Variants in PGBD5 observed in about 807,000 individuals in gnomAD.
The protein encoded by PGBD5 is piggyBac transposable element derived 5.
PGBD5 carries 14 observed loss-of-function variants against 47.9 expected under a neutral mutation model. The ratio of observed to expected loss-of-function variants is 0.29; its 90% CI spans 0.19 to 0.46. PGBD5 has a LOEUF of 0.46. Among genes scored for constraint, PGBD5 ranks in the 20% least tolerant of loss-of-function variants. The probability of loss-of-function intolerance (pLI) is 1.00; values close to 1 mark genes in which losing one functional copy is unlikely to be tolerated. For missense variants in PGBD5, 635 were observed against 716.0 expected (o/e 0.89, Z 1.29); for synonymous variants, 316 against 306.3 (o/e 1.03, Z -0.33).
intron 3 of PGBD5, among the ~76,000 whole-genome samples, chr1:230,340,546 G>A (rs1237371662): frequency 6.6e-6 from 1 of 151,996 alleles, no homozygotes; most frequent in Non-Finnish European, 1.5e-5. Flanking sequence ...CAGATATGCT[G>A]GGCTTTTAAT....
In PGBD5 at chr1:230,376,806, A is replaced by G. The variant is rs562934359; in HGVS notation, c.332-19485T>C. On this transcript the variant is annotated intron_variant, in intron 1 of 6. Transcript: ENST00000391860. ...TAAGGTTCTTTCTGGCTCTTTAAAAAAAACTAATTGCTTTCTCCAGGCAAT... is the reference window on the plus strand; with the variant it reads ...TAAGGTTCTTTCTGGCTCTTTAAAAGAAACTAATTGCTTTCTCCAGGCAAT... 5.3e-5 allele frequency among the ~76,000 whole-genome samples: 8 copies of G among 152,330 alleles called. No homozygotes were observed. In the South Asian group the frequency reaches 1.7e-3, roughly 32 times the overall value.
At chr1:230,338,295 C>T (rs767815178) in intron 3 of PGBD5, among the ~76,000 whole-genome samples, 1 of 152,218 alleles carries the variant, frequency 6.6e-6, no homozygotes, top group African/African-American at 2.4e-5. Context: ...GAGCAGGGCA[C>T]GGCTGGCTTT....
chr1:230,393,512 C>G (rs1167319730), intron 1 of PGBD5, among the ~76,000 whole-genome samples: 1 of 152,102 alleles, frequency 6.6e-6, no homozygotes, highest in Non-Finnish European at 1.5e-5. Context: ...AATCTTAGCG[C>G]CTGCTTTAAG....
chr1:230,420,046 A>G (rs1212438583), intron 1 of PGBD5, among the ~76,000 whole-genome samples: 1 of 152,168 alleles, frequency 6.6e-6, no homozygotes, highest in Non-Finnish European at 1.5e-5. Flanking sequence ...GAATCACTTG[A>G]ACCCAGGAGG....
chr1:230,351,704 A>G (rs548983471), intron 2 of PGBD5, among the ~76,000 whole-genome samples: 1 of 152,246 alleles, frequency 6.6e-6, no homozygotes, highest in South Asian at 2.1e-4. Flanking sequence ...TAAATCATTC[A>G]TCAAATGACC....
chr1:230,397,691 G>A (rs1432418534), intron 1 of PGBD5, among the ~76,000 whole-genome samples: 1 of 152,196 alleles, frequency 6.6e-6, no homozygotes, highest in Non-Finnish European at 1.5e-5. Context: ...CAAAAATCGT[G>A]GGCCTGTGAC....
At position 230,320,403 on chromosome 1, in the gene PGBD5, A is replaced by C. The variant is rs1667017176; in HGVS notation, c.*3022T>G. ...GGGAAATGCAGATTCTCTTTGGAGA[A>C]GCTTGGAAGTTTTTGTGGGTGTTTT... is the stretch of plus-strand genomic sequence containing the variant. On this transcript the variant is annotated 3_prime_UTR_variant, in exon 7 of 7. Transcript: ENST00000391860. 6.6e-6 allele frequency: 1 copy of C among 152,202 alleles called. No homozygotes were observed. Among genetic ancestry groups the C allele is most frequent in the Non-Finnish European group, 1.5e-5 (1 of 68,044 alleles). The allele number at this position is 152,202 out of a possible 1,614,324, so 9.4% of individuals were successfully genotyped here.
chr1:230,392,058 C>T (rs1656798955), intron 1 of PGBD5, among the ~76,000 whole-genome samples: 1 of 152,226 alleles, frequency 6.6e-6, no homozygotes. Flanking sequence ...CTTACTAGGA[C>T]TGTGAAGCTT....
intron 1 of PGBD5, among the ~76,000 whole-genome samples, chr1:230,391,354 C>T (rs76955748): frequency 0.033 from 4,951 of 152,244 alleles, 109 homozygotes; most frequent in South Asian, 0.081. Context: ...CCGATTTTGC[C>T]CCCTCATTTT....
intron 4 of PGBD5, among the ~76,000 whole-genome samples, chr1:230,335,766 T>TAGACAC (rs1667307155): frequency 3.2e-3 from 1 of 316 alleles, no homozygotes. Flanking sequence ...GATACACAGA[T>TAGACAC]ACAGACAGAC....
chr1:230,335,670 TACACAGATAC>T (rs1558192594), intron 4 of PGBD5, among the ~76,000 whole-genome samples: 1 of 29,028 alleles, frequency 3.4e-5, no homozygotes, highest in African/African-American at 1.0e-4. Context: ...CACACACAGA[TACACAGATAC>T]AGACACACAG....
intron 5 of PGBD5, among the ~76,000 whole-genome samples, chr1:230,326,997 T>A (rs1484172764): frequency 6.6e-6 from 1 of 152,166 alleles, no homozygotes; most frequent in Non-Finnish European, 1.5e-5. Context: ...CGGAGACCCA[T>A]GAGCCCTCCT....
In PGBD5 at chr1:230,337,283, A is replaced by G; in HGVS notation, c.900T>C (p.Tyr300=). 6.2e-7 allele frequency: 1 copy of G among 1,609,010 alleles called. No individual in the cohort carries two copies. Among genetic ancestry groups the G allele is most frequent in the Non-Finnish European group, 8.5e-7 (1 of 1,178,396 alleles). ...CSSTGFIIQI[Y]VHLKEGGGPD... ...GGCCCCCACCTTCCTTCAGGTGGAC[A>G]TAAATCTTTAACAGAAACACACAGA... Residue 300 remains tyrosine (Y), a synonymous_variant, in exon 4 of 7, where the codon TAT becomes TAC. Coordinates refer to ENST00000391860, the MANE Select transcript of PGBD5 (RefSeq NM_001258311.2).
At chr1:230,369,045 G>C (rs1230660949) in intron 1 of PGBD5, among the ~76,000 whole-genome samples, 1 of 150,300 alleles carries the variant, frequency 6.7e-6, no homozygotes, top group Non-Finnish European at 1.5e-5. Flanking sequence ...CACAAGCCCT[G>C]TCTTGACCTC....
rs73102033 is a variant in PGBD5 at position 230,380,637 on chromosome 1, G to A, written c.332-23316C>T. Among the ~76,000 whole-genome samples, 1,011 of 152,344 alleles carry A rather than the reference G, an allele frequency of 6.6e-3. 16 individuals carry two copies. The highest frequency in any genetic ancestry group is 0.023 in the African/African-American group (960 of 41,576). On this transcript the variant is annotated intron_variant, in intron 1 of 6. Transcript: ENST00000391860. ...AAGGTACTATCCATGCCAAGCCCAG[G>A]TTATGGCTTTAGGGTTTCCAAAGAA...
At chr1:230,385,963 T>C (rs1656628034) in intron 1 of PGBD5, among the ~76,000 whole-genome samples, 1 of 152,168 alleles carries the variant, frequency 6.6e-6, no homozygotes, top group African/African-American at 2.4e-5. Flanking sequence ...CCCAGCAACC[T>C]GTATGCACTT....
intron 1 of PGBD5, among the ~76,000 whole-genome samples, chr1:230,365,799 G>A (rs555388896): frequency 6.6e-6 from 1 of 152,248 alleles, no homozygotes; most frequent in African/African-American, 2.4e-5. Flanking sequence ...ATGTGGAGTA[G>A]CAGCATTTGA....
rs1391931321 is a variant in PGBD5, at chr1:230,357,265, C to G, written c.388G>C (p.Val130Leu). The G allele has an allele frequency of 1.2e-6, 2 of 1,614,130 alleles. No homozygotes were observed. Among genetic ancestry groups the G allele is most frequent in the Non-Finnish European group, 1.7e-6 (2 of 1,180,038 alleles). Residue 130 changes from valine to leucine, a missense_variant, in exon 2 of 7, where the codon GTC (valine) becomes CTC (leucine). Coordinates refer to ENST00000391860, the MANE Select transcript of PGBD5 (RefSeq NM_001258311.2). The surrounding 1 kb of genome is among the most constrained non-coding windows in gnomAD (Gnocchi z 5.7). The stretch of plus-strand genomic sequence containing the variant: ...ATGTTCTTGAGGACGTTGTCTGGGA[C>G]AAAGAGCTGGAAGAAGTCCACGGCA... The part of the protein sequence containing the change: ...ASAVDFFQLF[V>L]PDNVLKNMVV...
At chr1:230,364,019 T>A (rs1028539467) in intron 1 of PGBD5, among the ~76,000 whole-genome samples, 1 of 152,230 alleles carries the variant, frequency 6.6e-6, no homozygotes. Context: ...GACAAGCCTA[T>A]TGTCTAGTTA....
Sources: allele counts gnomAD v4.1 joint callset (sites outside exome capture counted in the v4.1 genomes callset), GRCh38; gene constraint gnomAD v4.1.1; non-coding constraint Gnocchi (gnomAD v3.1); transcripts MANE v1.5; gene names NCBI Gene and HGNC (gene_info 2026-07-23, HGNC 2026-07-21).